Variants in ZNF506 observed in about 807,000 individuals in gnomAD.
ZNF506 encodes zinc finger protein 506.
ZNF506 carries 10 observed loss-of-function variants against 11.6 expected under a neutral mutation model. The observed-to-expected ratio is 0.86, with a 90% confidence interval of 0.53 to 1.46. The LOEUF (loss-of-function observed/expected upper bound fraction) is 1.46. Ranked by LOEUF, ZNF506 falls within the 40% of genes most tolerant of loss-of-function variation. ZNF506 has a pLI of 0.00. For synonymous variants in ZNF506, 156 were observed against 173.3 expected (o/e 0.90, Z 0.78); for missense variants, 425 against 521.2 (o/e 0.82, Z 1.80).
intron 3 of ZNF506, among the ~76,000 whole-genome samples, chr19:19,800,278 A>G (rs1483430589): frequency 6.6e-6 from 1 of 151,752 alleles, no homozygotes; most frequent in Non-Finnish European, 1.5e-5. Context: ...AAGTGCTAGG[A>G]AATGTGAAGA....
At chr19:19,795,882 G>T in intron 3 of ZNF506, 1 of 513,052 alleles carries the variant, frequency 1.9e-6, no homozygotes. Context: ...AAGGGCTCCA[G>T]GTGAGCACAA....
At chr19:19,816,126 T>TA (rs938102006) in intron 1 of ZNF506, among the ~76,000 whole-genome samples, 37 of 150,296 alleles carry the variant, frequency 2.5e-4, no homozygotes, top group Admixed American at 1.4e-3. Context: ...TCTTTCTCAT[T>TA]AAAAAAAAAT....
chr19:19,798,444 G>A (rs1166305177), intron 3 of ZNF506: 2 of 151,648 alleles, frequency 1.3e-5, no homozygotes, highest in South Asian at 4.2e-4. Context: ...GTCAGGAGAT[G>A]GAGACCATCC....
chr19:19,817,415 T>A (rs1417545569), intron 1 of ZNF506, among the ~76,000 whole-genome samples: 1 of 142,740 alleles, frequency 7.0e-6, no homozygotes, highest in Non-Finnish European at 1.5e-5. Flanking sequence ...TTTTTTAGAA[T>A]TTTTTTTACG....
At position 19,794,477 on chromosome 19, in the gene ZNF506, A is replaced by G. The variant is rs1356017212; in HGVS notation, c.*75T>C. On this transcript the variant is annotated 3_prime_UTR_variant, in exon 4 of 4. Coordinates refer to ENST00000540806, the MANE Select transcript of ZNF506 (RefSeq NM_001099269.3). ...GTTTATGTTCCATATAAATTCTCATATTTAGTCAGAGTCCAGGGCTAGTTA... is the reference window on the plus strand; with the variant it reads ...GTTTATGTTCCATATAAATTCTCATGTTTAGTCAGAGTCCAGGGCTAGTTA... 1 of 1,386,118 alleles carries G rather than the reference A, an allele frequency of 7.2e-7. No individual in the cohort carries two copies. The highest frequency in any genetic ancestry group is 9.8e-7 in the Non-Finnish European group (1 of 1,017,582). The allele number at this position is 1,386,118 out of a possible 1,614,324, so 85.9% of individuals were successfully genotyped here. A position where few individuals can be genotyped will look rare whatever the true frequency, so the allele number is the denominator to read the frequency against.
Position 19,795,595 on chromosome 19 carries a change from CT to C in ZNF506, c.291del (p.Val98Ter), listed in dbSNP as rs753976202. On this transcript the variant is annotated frameshift_variant, in exon 4 of 4. Transcript: ENST00000540806. LOFTEE classifies it low-confidence loss of function (END_TRUNC). The stretch of plus-strand genomic sequence containing the variant: ...CATTTTTCATATCTTCTTAGTATCA[CT>C]TTTTGGAAAGAATCTTTTATGCTCT... ...SEQSIKDSFQKVILRRYEKCR... is the reference protein window; with the variant it reads ...SEQSIKDSFQXVILRRYEKCR... 4.6e-5 allele frequency: 72 copies of C among 1,564,880 alleles called. No individual in the cohort carries two copies. The Admixed American group carries it at 1.4e-3, about 31-fold the overall frequency.
At chr19:19,818,489 T>G (rs2062949127) in intron 1 of ZNF506, among the ~76,000 whole-genome samples, 1 of 152,224 alleles carries the variant, frequency 6.6e-6, no homozygotes, top group South Asian at 2.1e-4. Context: ...GTAGCTAGCA[T>G]TCTTAAAGCT....
intron 1 of ZNF506, among the ~76,000 whole-genome samples, chr19:19,819,119 C>T (rs552045721): frequency 1.6e-4 from 25 of 152,252 alleles, no homozygotes; most frequent in African/African-American, 5.3e-4. Context: ...GGAGACACCG[C>T]GCCATGCCCC....
chr19:19,816,477 C>T (rs990846443), intron 1 of ZNF506, among the ~76,000 whole-genome samples: 1 of 152,200 alleles, frequency 6.6e-6, no homozygotes, highest in Non-Finnish European at 1.5e-5. Flanking sequence ...CCTGCCTCAG[C>T]CTCCCCAGTA....
rs1198657516 is a variant in ZNF506, at chr19:19,794,781, T to G, written c.1106A>C (p.Tyr369Ser). 5.0e-6 allele frequency: 8 copies of G among 1,613,894 alleles called. No homozygotes were observed. Among genetic ancestry groups the G allele is most frequent in the South Asian group, 3.3e-5 (3 of 91,080 alleles). The part of the protein sequence containing the change: ...HKRAHTGEKP[Y>S]KCEECGKAFT... The stretch of plus-strand genomic sequence containing the variant: ...GGCTTTGCCACATTCTTCACACTTG[T>G]AGGGTTTCTCTCCAGTATGAGCTCT... Residue 369 changes from tyrosine (Y) to serine (S), a missense_variant, in exon 4 of 4, where the codon TAC (tyrosine) becomes TCC (serine). Tyr to Ser is a moderately radical substitution (Grantham distance 144, BLOSUM62 -2). Around this residue, in one of 3 missense-constraint regions of ZNF506, gnomAD observed 192 missense variants for 215.7 expected, o/e 0.89. Coordinates refer to ENST00000540806, the MANE Select transcript of ZNF506 (RefSeq NM_001099269.3).
At chr19:19,806,477 G>A (rs981664179) in intron 2 of ZNF506, 11 of 185,706 alleles carry the variant, frequency 5.9e-5, no homozygotes, top group African/African-American at 2.6e-4. Context: ...GGCTGGTCTC[G>A]AACTCCTGAC....
intron 3 of ZNF506, chr19:19,795,953 G>T: frequency 2.8e-6 from 1 of 361,686 alleles, no homozygotes; most frequent in Non-Finnish European, 5.2e-6. Context: ...ACCCAACACA[G>T]CTCTTCCTGC....
At chr19:19,812,184 A>C (rs2062888392) in intron 1 of ZNF506, among the ~76,000 whole-genome samples, 1 of 152,220 alleles carries the variant, frequency 6.6e-6, no homozygotes, top group South Asian at 2.1e-4. Context: ...CATTTCTCTT[A>C]CACTGAGACA....
chr19:19,799,120 TAAAC>T (rs1429923875), intron 3 of ZNF506: 1 of 214,050 alleles, frequency 4.7e-6, no homozygotes, highest in Non-Finnish European at 9.1e-6. Flanking sequence ...AGAAGGACAT[TAAAC>T]AATATATAGA....
At chr19:19,806,758 T>C (rs940066255) in intron 2 of ZNF506, among the ~76,000 whole-genome samples, 184 bp downstream of exon 2, 2 of 152,146 alleles carry the variant, frequency 1.3e-5, no homozygotes, top group Admixed American at 1.3e-4. Flanking sequence ...GTGGAAAGTT[T>C]GGATTAAGAT....
Position 19,795,164 on chromosome 19 carries a change from G to A in ZNF506, c.723C>T (p.Ser241=). 1.2e-6 allele frequency: 2 copies of A among 1,613,654 alleles called. No individual in the cohort carries two copies. Among genetic ancestry groups the A allele is most frequent in the Non-Finnish European group, 1.7e-6 (2 of 1,179,916 alleles). Residue 241 remains serine, a synonymous_variant, in exon 4 of 4, where the codon TCC becomes TCT. Coordinates refer to ENST00000540806, the MANE Select transcript of ZNF506 (RefSeq NM_001099269.3). The stretch of plus-strand genomic sequence containing the variant: ...TTATCTTATGTGTAGTAAGGTTACA[G>A]GACTGCTTATAGGCTTTGCCACATT... ...CEECGKAYKQ[S]CNLTTHKIIH... is the part of the protein sequence containing the mutation.
At chr19:19,820,071 T>G (rs981747333) in intron 1 of ZNF506, among the ~76,000 whole-genome samples, 2 of 149,024 alleles carry the variant, frequency 1.3e-5, no homozygotes, top group Non-Finnish European at 3.0e-5. Context: ...CACTCCAGCA[T>G]GGCGACAGAG....
At chr19:19,812,686 T>A (rs2062892336) in intron 1 of ZNF506, among the ~76,000 whole-genome samples, 1 of 152,222 alleles carries the variant, frequency 6.6e-6, no homozygotes, top group Non-Finnish European at 1.5e-5. Flanking sequence ...GGCCCTTTTT[T>A]ATCTGCAGAT....
At chr19:19,816,495 C>T (rs1019583805) in intron 1 of ZNF506, among the ~76,000 whole-genome samples, 5 of 152,178 alleles carry the variant, frequency 3.3e-5, no homozygotes, top group Non-Finnish European at 7.4e-5. Context: ...GTAGCTGGGA[C>T]TACAGGCACC....
Sources: gnomAD v4.1 joint callset for allele counts (sites outside exome capture counted in the v4.1 genomes callset) on GRCh38, gnomAD v4.1.1 for gene constraint, gnomAD v4.1.1 regional missense constraint, MANE v1.5 for transcripts, NCBI Gene and HGNC (gene_info 2026-07-23, HGNC 2026-07-21) for gene names.